RALYL: variants seen among roughly 807,000 people sequenced by gnomAD.
RALYL encodes RALY RNA binding protein like.
Under a neutral mutation model 35.1 loss-of-function variants are expected in RALYL, and 29 were observed. The ratio of observed to expected loss-of-function variants is 0.83; its 90% CI spans 0.61 to 1.13. The LOEUF (loss-of-function observed/expected upper bound fraction) is 1.13, where lower values mean the gene tolerates loss of function less well. Ranked by LOEUF, RALYL falls within the 50% of genes most tolerant of loss-of-function variation. RALYL has a pLI of 0.00. For missense variants in RALYL, 359 were observed against 360.4 expected, an observed-to-expected ratio of 1.00 and a Z score of 0.03; for synonymous variants, 120 against 127.6, an observed-to-expected ratio of 0.94 and a Z score of 0.40.
chr8:84,918,699 G>A (rs539209905), intron 8 of RALYL, among the ~76,000 whole-genome samples: 46 of 152,146 alleles, frequency 3.0e-4, no homozygotes, highest in Non-Finnish European at 6.2e-4. Flanking sequence ...CATACTAGAA[G>A]TTTTATGGAA....
chr8:84,376,654 G>A (rs1856967628), intron 1 of RALYL, among the ~76,000 whole-genome samples: 1 of 151,864 alleles, frequency 6.6e-6, no homozygotes, highest in African/African-American at 2.4e-5. Flanking sequence ...GGGATTAGAA[G>A]AGTAGTCAAA....
chr8:84,620,302 A>G (rs1490763256), intron 2 of RALYL, among the ~76,000 whole-genome samples: 1 of 145,138 alleles, frequency 6.9e-6, no homozygotes, highest in Non-Finnish European at 1.5e-5. Context: ...TCTTTTTATT[A>G]CTTTTTCTCT....
intron 1 of RALYL, among the ~76,000 whole-genome samples, chr8:84,313,587 A>G (rs1404042236): frequency 1.3e-5 from 2 of 152,176 alleles, no homozygotes; most frequent in Admixed American, 6.5e-5. Flanking sequence ...GAGATACCCT[A>G]AGTCATCACT....
intron 8 of RALYL, among the ~76,000 whole-genome samples, chr8:84,891,652 C>T (rs1186955332): frequency 6.6e-6 from 1 of 152,102 alleles, no homozygotes; most frequent in Non-Finnish European, 1.5e-5. Flanking sequence ...CATTTTGTTT[C>T]TAAGACTTGG....
At chr8:84,727,363 T>A (rs963137707) in intron 2 of RALYL, among the ~76,000 whole-genome samples, 2 of 152,104 alleles carry the variant, frequency 1.3e-5, no homozygotes, top group African/African-American at 4.8e-5. Context: ...TATGCAACGA[T>A]TTCCCCCAAA....
chr8:84,310,887 A>T (rs1231491290), intron 1 of RALYL, among the ~76,000 whole-genome samples: 1 of 145,274 alleles, frequency 6.9e-6, no homozygotes, highest in Non-Finnish European at 1.5e-5. Context: ...CTCTACTAAA[A>T]ATACAAAAAA....
chr8:84,623,459 ACC>A (rs1313929248), intron 2 of RALYL, among the ~76,000 whole-genome samples: 2 of 150,498 alleles, frequency 1.3e-5, no homozygotes, highest in Non-Finnish European at 3.0e-5. Flanking sequence ...AAAATATTTT[ACC>A]CCTTAGGTCA....
chr8:84,841,035 G>A (rs1464122180), intron 4 of RALYL, among the ~76,000 whole-genome samples: 3 of 152,140 alleles, frequency 2.0e-5, no homozygotes, highest in African/African-American at 2.4e-5. Flanking sequence ...AAAGACCATC[G>A]AGTCTAGGAA....
intron 1 of RALYL, among the ~76,000 whole-genome samples, chr8:84,505,435 C>A (rs564667807): frequency 6.6e-6 from 1 of 151,546 alleles, no homozygotes; most frequent in Admixed American, 6.6e-5. Context: ...TTCTGTGTTG[C>A]CATACATATT....
chr8:84,696,209 T>C (rs963579316), intron 2 of RALYL, among the ~76,000 whole-genome samples: 2 of 151,712 alleles, frequency 1.3e-5, no homozygotes, highest in African/African-American at 4.8e-5. Context: ...GTTCATTTAA[T>C]TTAAATGAGG....
intron 2 of RALYL, among the ~76,000 whole-genome samples, chr8:84,738,181 T>C (rs560941945): frequency 2.0e-5 from 3 of 151,936 alleles, no homozygotes; most frequent in Non-Finnish European, 4.4e-5. Context: ...TAGTATAGTA[T>C]AATTAGGAAA....
rs143910424 is a variant in RALYL, at chr8:84,226,550, C to T, written c.-24+42126C>T. Among the ~76,000 whole-genome samples the T allele has an allele frequency of 3.3e-3, 500 of 151,870 alleles. 3 individuals are homozygous for T. The highest frequency in any genetic ancestry group is 0.012 in the African/African-American group (482 of 41,388). On this transcript the variant is annotated intron_variant, in intron 1 of 8. Transcript: ENST00000521268. ...GAGTGATTCTCCTGCCTCAGCCTCC[C>T]GAGTAGCTGGGATTACAGTGTATAT...
chr8:84,527,673 A>G (rs1411975859), intron 1 of RALYL, among the ~76,000 whole-genome samples: 1 of 152,142 alleles, frequency 6.6e-6, no homozygotes, highest in Non-Finnish European at 1.5e-5. Context: ...GAGATATACA[A>G]TATCTCAAAT....
At chr8:84,690,884 T>C (rs1456083078) in intron 2 of RALYL, among the ~76,000 whole-genome samples, 1 of 152,032 alleles carries the variant, frequency 6.6e-6, no homozygotes, top group East Asian at 1.9e-4. Context: ...TATCATCCAT[T>C]AATTCACATT....
At chr8:84,770,080 G>C (rs954525288) in intron 2 of RALYL, among the ~76,000 whole-genome samples, 3 of 151,860 alleles carry the variant, frequency 2.0e-5, no homozygotes, top group African/African-American at 4.8e-5. Flanking sequence ...AGGTTTTGGC[G>C]AACAGGTGGT....
intron 2 of RALYL, among the ~76,000 whole-genome samples, chr8:84,743,721 A>G (rs1196388743): frequency 2.0e-5 from 3 of 152,092 alleles, no homozygotes; most frequent in Non-Finnish European, 2.9e-5. Context: ...CTTTTTAGTC[A>G]ACATTAAAAG....
intron 1 of RALYL, among the ~76,000 whole-genome samples, chr8:84,267,078 G>A (rs1356677465): frequency 6.7e-6 from 1 of 148,376 alleles, no homozygotes; most frequent in Non-Finnish European, 1.5e-5. Flanking sequence ...AGCAGCGGAT[G>A]TGCTCATTAT....
At chr8:84,823,263 G>C (rs555255881) in intron 4 of RALYL, among the ~76,000 whole-genome samples, 1 of 152,232 alleles carries the variant, frequency 6.6e-6, no homozygotes, top group Admixed American at 6.5e-5. Flanking sequence ...TTTGCCTTTG[G>C]GGAGGTAGTA....
intron 1 of RALYL, among the ~76,000 whole-genome samples, chr8:84,472,734 T>G (rs538777860): frequency 1.2e-4 from 18 of 152,260 alleles, no homozygotes; most frequent in African/African-American, 4.1e-4. Context: ...GAAATAAATC[T>G]GGCTACTAGT....
Sources: allele counts gnomAD v4.1 joint callset (sites outside exome capture counted in the v4.1 genomes callset), GRCh38; gene constraint gnomAD v4.1.1; transcripts MANE v1.5; gene names NCBI Gene and HGNC (gene_info 2026-07-23, HGNC 2026-07-21).